The following NEGR1 variants were observed in gnomAD, a reference collection of about 807,000 sequenced individuals.
NEGR1 encodes the protein IgLON family member 4.
Under a neutral mutation model 40.9 loss-of-function variants are expected in NEGR1, and 10 were observed. The ratio of observed to expected loss-of-function variants is 0.24; its 90% CI spans 0.15 to 0.42. The LOEUF is 0.42. Among genes scored for constraint, NEGR1 ranks in the 10% least tolerant of loss-of-function variants. NEGR1 has a pLI of 1.00. For missense variants in NEGR1, 352 were observed against 438.9 expected, an observed-to-expected ratio of 0.80 and a Z score of 1.77; for synonymous variants, 185 against 166.8, an observed-to-expected ratio of 1.11 and a Z score of -0.84.
intron 2 of NEGR1, among the ~76,000 whole-genome samples, chr1:71,898,983 T>A (rs767674424): frequency 1.2e-4 from 4 of 32,162 alleles, no homozygotes; most frequent in South Asian, 1.4e-3. Context: ...ATATATAGCA[T>A]ATATATATAT....
rs1362617263 is a variant in NEGR1 at position 71,858,418 on chromosome 1, A to G, written c.409+76661T>C. On this transcript the variant is annotated intron_variant, in intron 2 of 6. Coordinates refer to ENST00000357731, the MANE Select transcript of NEGR1 (RefSeq NM_173808.3). The stretch of plus-strand genomic sequence containing the variant: ...CATTTGTGTAGCCGTCTCTGAACTC[A>G]TCAAGAAAAACCTGAACTTCATGGG... Among the ~76,000 whole-genome samples, 6 of 152,232 alleles carry G rather than the reference A, an allele frequency of 3.9e-5. No homozygotes were observed. In the East Asian group the frequency reaches 9.7e-4, roughly 25 times the overall value.
At chr1:71,665,112 T>C (rs2101593971) in intron 4 of NEGR1, among the ~76,000 whole-genome samples, 1 of 152,264 alleles carries the variant, frequency 6.6e-6, no homozygotes, top group East Asian at 1.9e-4. Flanking sequence ...TGAAAATATA[T>C]TAAACACTTT....
chr1:71,990,744 A>G (rs17092060), intron 1 of NEGR1, among the ~76,000 whole-genome samples: 16,960 of 151,978 alleles, frequency 0.11, 1,040 homozygotes, highest in Middle Eastern at 0.18. Flanking sequence ...CTCTGGATAC[A>G]TCTCTAATAC....
At chr1:71,499,417 T>C (rs926775109) in intron 6 of NEGR1, among the ~76,000 whole-genome samples, 1 of 149,044 alleles carries the variant, frequency 6.7e-6, no homozygotes, top group Non-Finnish European at 1.5e-5. Flanking sequence ...CATAGTTATA[T>C]ATATATGGCA....
chr1:72,251,217 A>G (rs1424584514), intron 1 of NEGR1, among the ~76,000 whole-genome samples: 4 of 152,192 alleles, frequency 2.6e-5, no homozygotes, highest in Non-Finnish European at 5.9e-5. Context: ...GTGCACCTTA[A>G]AGATATCATA....
intron 6 of NEGR1, among the ~76,000 whole-genome samples, chr1:71,584,189 C>G (rs532172931): frequency 6.6e-6 from 1 of 152,130 alleles, no homozygotes; most frequent in African/African-American, 2.4e-5. Context: ...GAAAGGAAAC[C>G]CTGTCCACAC....
At chr1:72,228,796 T>G (rs1442578649) in intron 1 of NEGR1, among the ~76,000 whole-genome samples, 1 of 152,138 alleles carries the variant, frequency 6.6e-6, no homozygotes, top group Admixed American at 6.6e-5. Context: ...AGTCTAATTC[T>G]GTGGCATTTT....
At chr1:72,124,494 T>C (rs139083135) in intron 1 of NEGR1, among the ~76,000 whole-genome samples, 2,576 of 152,070 alleles carry the variant, frequency 0.017, 71 homozygotes, top group African/African-American at 0.059. Context: ...TCGAGCGATA[T>C]GGCAAATAAG....
chr1:71,660,473 T>C (rs1020238944), intron 4 of NEGR1, among the ~76,000 whole-genome samples: 1 of 152,000 alleles, frequency 6.6e-6, no homozygotes, highest in African/African-American at 2.4e-5. Flanking sequence ...CCCCTAAATA[T>C]AAAATAAAAG....
At chr1:71,421,725 AG>A (rs1220370352) in intron 6 of NEGR1, among the ~76,000 whole-genome samples, 40 of 152,158 alleles carry the variant, frequency 2.6e-4, no homozygotes, top group Admixed American at 2.6e-3. Context: ...AAAGAAAGCA[AG>A]CATAAGAAAA....
chr1:71,554,613 A>G (rs1648194070), intron 6 of NEGR1, among the ~76,000 whole-genome samples: 1 of 151,538 alleles, frequency 6.6e-6, no homozygotes, highest in Admixed American at 6.6e-5. Context: ...AACACAAGAT[A>G]GAATATTAAG....
chr1:71,471,182 T>G (rs1646779336), intron 6 of NEGR1, among the ~76,000 whole-genome samples: 1 of 152,150 alleles, frequency 6.6e-6, no homozygotes, highest in Admixed American at 6.6e-5. Flanking sequence ...GCACAATAAA[T>G]AAATTAAATA....
chr1:72,199,667 A>C (rs1653131964), intron 1 of NEGR1, among the ~76,000 whole-genome samples: 1 of 152,038 alleles, frequency 6.6e-6, no homozygotes, highest in African/African-American at 2.4e-5. Flanking sequence ...CAAATCTATG[A>C]AATTGCAATA....
intron 1 of NEGR1, among the ~76,000 whole-genome samples, chr1:72,083,028 T>C (rs1303933748): frequency 1.3e-5 from 2 of 152,156 alleles, no homozygotes; most frequent in Non-Finnish European, 2.9e-5. Flanking sequence ...ATGCTATGAA[T>C]TTCTTTTTAA....
At chr1:71,550,010 C>T (rs1232881296) in intron 6 of NEGR1, among the ~76,000 whole-genome samples, 1 of 151,646 alleles carries the variant, frequency 6.6e-6, no homozygotes, top group African/African-American at 2.4e-5. Flanking sequence ...ATCTATACTT[C>T]TTTCCTCATT....
chr1:71,562,750 TATAAC>T (rs1295846205), intron 6 of NEGR1, among the ~76,000 whole-genome samples: 1 of 152,008 alleles, frequency 6.6e-6, no homozygotes, highest in Non-Finnish European at 1.5e-5. Context: ...GTTATTCTGT[TATAAC>T]AGTCAAGGTC....
intron 6 of NEGR1, among the ~76,000 whole-genome samples, chr1:71,544,004 C>A (rs1203177078): frequency 6.6e-6 from 1 of 151,500 alleles, no homozygotes; most frequent in African/African-American, 2.4e-5. Context: ...TTGTCCCCTG[C>A]AGCTGTTTAT....
In NEGR1 at chr1:71,462,442, T is replaced by C. The variant is rs1260223513; in HGVS notation, c.941-54872A>G. 9.2e-5 allele frequency among the ~76,000 whole-genome samples: 14 copies of C among 152,214 alleles called. No individual in the cohort carries two copies. The East Asian group carries it at 2.7e-3, about 29-fold the overall frequency. ...ATAGGTGTTCTCAAGGTAGTTCCCT[T>C]TTGTAGTGCAAAGCAGGCCTTAGAA... On this transcript the variant is annotated intron_variant, in intron 6 of 6. Transcript: ENST00000357731.
chr1:71,850,149 GTTTGTTT>G, intron 2 of NEGR1, among the ~76,000 whole-genome samples: 1 of 150,480 alleles, frequency 6.6e-6, no homozygotes, highest in Non-Finnish European at 1.5e-5. Flanking sequence ...TTGTTTGTTT[GTTTGTTT>G]GTTTGTTTGT....
Sources: allele counts gnomAD v4.1 joint callset (sites outside exome capture counted in the v4.1 genomes callset), GRCh38; gene constraint gnomAD v4.1.1; transcripts MANE v1.5; gene names NCBI Gene and HGNC (gene_info 2026-07-23, HGNC 2026-07-21).